NOS1AP: variants seen among roughly 807,000 people sequenced by gnomAD.
NOS1AP encodes nitric oxide synthase 1 adaptor protein.
A neutral mutation model predicts 56.2 loss-of-function variants in NOS1AP; 21 were observed. The ratio of observed to expected loss-of-function variants is 0.37; its 90% confidence interval spans 0.26 to 0.54. NOS1AP has a LOEUF of 0.54. NOS1AP is among the 20% of genes least tolerant of loss of function. The probability of loss-of-function intolerance (pLI) is 0.84; values close to 1 mark genes in which losing one functional copy is unlikely to be tolerated. For synonymous variants in NOS1AP, 270 were observed against 274.6 expected, an observed-to-expected ratio of 0.98 and a Z score of 0.17; for missense variants, 522 against 657.8, an observed-to-expected ratio of 0.79 and a Z score of 2.26.
chr1:162,108,114 C>A (rs1462041207), intron 1 of NOS1AP, among the ~76,000 whole-genome samples: 2 of 152,094 alleles, frequency 1.3e-5, no homozygotes, highest in African/African-American at 2.4e-5. Flanking sequence ...ATTCCTTGTG[C>A]CAGACTGTGA....
intron 2 of NOS1AP, among the ~76,000 whole-genome samples, chr1:162,279,786 T>C (rs1654860468): frequency 6.6e-6 from 1 of 152,228 alleles, no homozygotes; most frequent in East Asian, 1.9e-4. Context: ...ATGAATTTTA[T>C]TTCCTGGAGC....
At chr1:162,193,585 A>C (rs1478751157) in intron 2 of NOS1AP, among the ~76,000 whole-genome samples, 3 of 152,058 alleles carry the variant, frequency 2.0e-5, no homozygotes, top group Non-Finnish European at 4.4e-5. Context: ...CATTTACTGA[A>C]TGTTTGTCTA....
intron 2 of NOS1AP, among the ~76,000 whole-genome samples, chr1:162,266,620 A>G (rs1654432460): frequency 6.6e-6 from 1 of 152,182 alleles, no homozygotes; most frequent in Non-Finnish European, 1.5e-5. Flanking sequence ...TTTCCTTGCT[A>G]CTGAGTCTTA....
intron 2 of NOS1AP, among the ~76,000 whole-genome samples, chr1:162,167,444 C>T (rs1048690734): frequency 3.9e-5 from 6 of 152,260 alleles, no homozygotes; most frequent in African/African-American, 1.4e-4. Flanking sequence ...GGGTCCTCCC[C>T]TCTAGAGGCC....
intron 1 of NOS1AP, among the ~76,000 whole-genome samples, chr1:162,146,320 A>G (rs1324456446): frequency 6.6e-6 from 1 of 151,708 alleles, no homozygotes; most frequent in Non-Finnish European, 1.5e-5. Context: ...TAAAATCTCC[A>G]CTTGATTTTC....
At chr1:162,180,364 C>G (rs1054593016) in intron 2 of NOS1AP, among the ~76,000 whole-genome samples, 1 of 152,182 alleles carries the variant, frequency 6.6e-6, no homozygotes, top group Non-Finnish European at 1.5e-5. Context: ...TCTGCCTCAG[C>G]CTTCTGAGTA....
At position 162,367,665 on chromosome 1, in the gene NOS1AP, T is replaced by G. The variant is rs964560116; in HGVS notation, c.*198T>G. The G allele has an allele frequency of 4.7e-6, 3 of 633,550 alleles. No homozygotes were observed. The highest frequency in any genetic ancestry group is 6.0e-5 in the Admixed American group (2 of 33,450). 39.2% of individuals were successfully genotyped at this position (633,550 alleles called of 1,614,324 possible). A position where few individuals can be genotyped will look rare whatever the true frequency, so the allele number is the denominator to read the frequency against. The stretch of plus-strand genomic sequence containing the variant: ...GGGGAAGAAATCGGATTCCCAGAGG[T>G]GAATCAGCTCCTCTCCTACTTGTGA... On this transcript the variant is annotated 3_prime_UTR_variant, in exon 10 of 10. Transcript: ENST00000361897. This position sits in a 1 kb window ranked among gnomAD's most constrained non-coding sequence, Gnocchi z 6.5.
chr1:162,265,565 T>C (rs1411041095), intron 2 of NOS1AP, among the ~76,000 whole-genome samples: 2 of 143,150 alleles, frequency 1.4e-5, no homozygotes, highest in Non-Finnish European at 3.2e-5. Flanking sequence ...AACTCATCAT[T>C]TTTTTATGGC....
intron 1 of NOS1AP, among the ~76,000 whole-genome samples, chr1:162,135,672 G>T (rs1194045908): frequency 1.3e-5 from 2 of 152,118 alleles, no homozygotes; most frequent in Admixed American, 6.5e-5. Context: ...GCATGAGGGT[G>T]ACTTGAACAC....
At chr1:162,232,834 C>G (rs776490852) in intron 2 of NOS1AP, among the ~76,000 whole-genome samples, 4 of 152,092 alleles carry the variant, frequency 2.6e-5, no homozygotes, top group Non-Finnish European at 5.9e-5. Context: ...GATTTAAGTC[C>G]TTGTCATAAA....
At position 162,184,266 on chromosome 1, in the gene NOS1AP, C is replaced by T. The variant is rs1204810899; in HGVS notation, c.177+29790C>T. On this transcript the variant is annotated intron_variant, in intron 2 of 9. Coordinates refer to ENST00000361897, the MANE Select transcript of NOS1AP (RefSeq NM_014697.3). ...TCTCATATGGGCACAGTTTAAGGTG[C>T]CCTCCAAAAATTACAATAGTAACAA... 7.2e-5 allele frequency among the ~76,000 whole-genome samples: 11 copies of T among 152,168 alleles called. No individual in the cohort carries two copies. The East Asian group carries it at 1.5e-3, about 21-fold the overall frequency.
chr1:162,285,689 T>C (rs538704606), intron 2 of NOS1AP, among the ~76,000 whole-genome samples: 15 of 152,264 alleles, frequency 9.9e-5, no homozygotes, highest in African/African-American at 3.4e-4. Flanking sequence ...CTCTTTACTG[T>C]TAGTTGGCCT....
chr1:162,220,785 T>C (rs1330995901), intron 2 of NOS1AP, among the ~76,000 whole-genome samples: 2 of 152,184 alleles, frequency 1.3e-5, no homozygotes, highest in Admixed American at 1.3e-4. Context: ...TTTGTTTTTG[T>C]TTTTGCATAC....
In NOS1AP at chr1:162,081,755, G is replaced by GATACATATATAT. The variant is rs1218347698; in HGVS notation, c.105+11476_105+11477insCATATATATATA. ...CTATATATCTATATCTATATCTATAGATATATATATATATATATATTTTTT... is the reference window on the plus strand; with the variant it reads ...CTATATATCTATATCTATATCTATAGATACATATATATATATATATATATATATATATTTTTT... On this transcript the variant is annotated intron_variant, in intron 1 of 9. Coordinates refer to ENST00000361897, the MANE Select transcript of NOS1AP (RefSeq NM_014697.3). Among the ~76,000 whole-genome samples the GATACATATATAT allele has an allele frequency of 4.8e-4, 34 of 71,576 alleles. 1 individual carries two copies. The highest frequency in any genetic ancestry group is 1.7e-3 in the African/African-American group (34 of 19,776). 47.0% of individuals were successfully genotyped at this position (71,576 alleles called of 152,430 possible). A position where few individuals can be genotyped will look rare whatever the true frequency, so the allele number is the denominator to read the frequency against.
intron 2 of NOS1AP, among the ~76,000 whole-genome samples, chr1:162,272,554 T>C (rs1269132112): frequency 2.6e-5 from 4 of 152,114 alleles, no homozygotes; most frequent in Non-Finnish European, 5.9e-5. Context: ...CACTAGATGT[T>C]CCCCTTCTTG....
In NOS1AP at chr1:162,110,119, C is replaced by T. The variant is rs181234542; in HGVS notation, c.105+39837C>T. Among the ~76,000 whole-genome samples, 880 of 152,204 alleles carry T rather than the reference C, an allele frequency of 5.8e-3. 7 individuals carry two copies. Among genetic ancestry groups the T allele is most frequent in the Middle Eastern group, 0.024 (7 of 294 alleles). The stretch of plus-strand genomic sequence containing the variant: ...GATTCGAACCTGGGTCTCTGAACTT[C>T]CACTGCGCTGCATTCTACTGCTTTG... On this transcript the variant is annotated intron_variant, in intron 1 of 9. Coordinates refer to ENST00000361897, the MANE Select transcript of NOS1AP (RefSeq NM_014697.3).
chr1:162,289,026 G>A (rs1205317513), intron 3 of NOS1AP, among the ~76,000 whole-genome samples: 2 of 152,110 alleles, frequency 1.3e-5, no homozygotes, highest in South Asian at 2.1e-4. Flanking sequence ...CGTGGATGAT[G>A]ACAATATGAA....
At chr1:162,288,111 A>G (rs1219427043) in intron 3 of NOS1AP, among the ~76,000 whole-genome samples, 1 of 152,170 alleles carries the variant, frequency 6.6e-6, no homozygotes, top group African/African-American at 2.4e-5. Flanking sequence ...GGCAGGTAAC[A>G]TTAACCCCTT....
At chr1:162,300,609 C>G (rs752772494) in intron 3 of NOS1AP, 24 bp from the exon 4 acceptor site, 1 of 1,601,930 alleles carries the variant, frequency 6.2e-7, no homozygotes, top group African/African-American at 1.3e-5. Flanking sequence ...TAACTGAGGA[C>G]AAGCCTAACT....
Sources: allele counts gnomAD v4.1 joint callset (sites outside exome capture counted in the v4.1 genomes callset), GRCh38; gene constraint gnomAD v4.1.1; non-coding constraint Gnocchi (gnomAD v3.1); transcripts MANE v1.5; gene names NCBI Gene and HGNC (gene_info 2026-07-23, HGNC 2026-07-21).